The following CCDC192 variants were observed in gnomAD, a reference collection of about 807,000 sequenced individuals.
The protein encoded by CCDC192 is coiled-coil domain containing 192.
chr5:127,877,357 T>TGG (rs1561535729), intron 6 of CCDC192, among the ~76,000 whole-genome samples: 41 of 149,428 alleles, frequency 2.7e-4, no homozygotes, highest in Admixed American at 2.7e-4. Context: ...TTTTGTGGAT[T>TGG]TTTTTTTTAA....
chr5:127,726,324 T>C (rs1036214399), intron 2 of CCDC192, among the ~76,000 whole-genome samples: 3 of 152,184 alleles, frequency 2.0e-5, no homozygotes, highest in Non-Finnish European at 4.4e-5. Flanking sequence ...TAAATTGCAT[T>C]AATTAAACAA....
chr5:127,746,629 G>A (rs111925694), intron 2 of CCDC192, among the ~76,000 whole-genome samples: 3 of 141,996 alleles, frequency 2.1e-5, no homozygotes, highest in Non-Finnish European at 4.6e-5. Flanking sequence ...TTTTTTTTGA[G>A]AATTTTTGAA....
chr5:127,786,023 G>C, intron 3 of CCDC192: 1 of 609,122 alleles, frequency 1.6e-6, no homozygotes, highest in South Asian at 1.8e-5. Flanking sequence ...TTATGAATCT[G>C]TGTCTCCAGC....
chr5:127,882,181 G>C (rs1752382647), intron 6 of CCDC192, among the ~76,000 whole-genome samples: 1 of 152,226 alleles, frequency 6.6e-6, no homozygotes, highest in Non-Finnish European at 1.5e-5. Flanking sequence ...GGGGAAGCCT[G>C]TAATGGGATT....
intron 5 of CCDC192, chr5:127,857,571 A>G (rs1249065090): frequency 6.6e-6 from 1 of 152,226 alleles, no homozygotes; most frequent in African/African-American, 2.4e-5. Flanking sequence ...TATTTTATAT[A>G]TATGAGAGAG....
intron 5 of CCDC192, chr5:127,857,826 T>G (rs1751166021): frequency 2.0e-5 from 3 of 152,184 alleles, no homozygotes; most frequent in Non-Finnish European, 4.4e-5. Context: ...TTCAAAGAAT[T>G]GCATGGAGCC....
chr5:127,883,045 G>A (rs1752418368), intron 6 of CCDC192, among the ~76,000 whole-genome samples: 1 of 152,170 alleles, frequency 6.6e-6, no homozygotes, highest in Non-Finnish European at 1.5e-5. Context: ...GAGATGCTGG[G>A]ACTTCGTCAA....
At chr5:127,828,159 G>A (rs892903267) in intron 5 of CCDC192, among the ~76,000 whole-genome samples, 4 of 152,084 alleles carry the variant, frequency 2.6e-5, no homozygotes, top group African/African-American at 4.8e-5. Flanking sequence ...TGCCCACCTC[G>A]GCTTCCCAAA....
At chr5:127,832,033 G>A (rs1008014698) in intron 5 of CCDC192, among the ~76,000 whole-genome samples, 5 of 151,444 alleles carry the variant, frequency 3.3e-5, no homozygotes, top group Non-Finnish European at 7.4e-5. Flanking sequence ...ATGAACCCTG[G>A]CAAATCAATT....
Position 127,889,749 on chromosome 5 carries a change from G to A in CCDC192, c.535+14088G>A, listed in dbSNP as rs114606939. On this transcript the variant is annotated intron_variant, in intron 6 of 6. Transcript: ENST00000514853. ...TTGGCCTCCCTACCCCAGTTGGCAC[G>A]CTGGGCCAGCACCTGGCCCCTGTAT... is the stretch of plus-strand genomic sequence containing the variant. Among the ~76,000 whole-genome samples, 1,368 of 152,242 alleles carry A rather than the reference G, an allele frequency of 9.0e-3. 23 individuals carry two copies. Among genetic ancestry groups the A allele is most frequent in the African/African-American group, 0.03 (1,257 of 41,560 alleles).
chr5:127,737,567 G>A (rs930779360), intron 2 of CCDC192, among the ~76,000 whole-genome samples: 5 of 151,548 alleles, frequency 3.3e-5, no homozygotes, highest in Non-Finnish European at 7.4e-5. Flanking sequence ...GGGAGTCTAA[G>A]TCTCTTTGTA....
At chr5:127,713,684 A>T (rs891219682) in intron 2 of CCDC192, among the ~76,000 whole-genome samples, 4 of 152,192 alleles carry the variant, frequency 2.6e-5, no homozygotes, top group African/African-American at 9.6e-5. Context: ...TTATACTTTT[A>T]GGGATTTTTT....
intron 2 of CCDC192, among the ~76,000 whole-genome samples, chr5:127,715,086 A>G (rs1258956471): frequency 2.0e-5 from 3 of 151,968 alleles, no homozygotes. Context: ...TTTCTTCACT[A>G]TATTGATTAC....
intron 5 of CCDC192, among the ~76,000 whole-genome samples, chr5:127,850,841 C>T (rs1023381662): frequency 5.3e-5 from 8 of 152,164 alleles, no homozygotes; most frequent in African/African-American, 1.9e-4. Flanking sequence ...TGGCAGGCGC[C>T]GGTAATCCCA....
chr5:127,898,645 G>T (rs1752959875), intron 6 of CCDC192, among the ~76,000 whole-genome samples: 1 of 152,084 alleles, frequency 6.6e-6, no homozygotes, highest in Non-Finnish European at 1.5e-5. Context: ...CATGCAAGAA[G>T]GTTTTTTGAC....
At chr5:127,763,830 T>C (rs1188667902) in intron 3 of CCDC192, among the ~76,000 whole-genome samples, 1 of 152,184 alleles carries the variant, frequency 6.6e-6, no homozygotes, top group African/African-American at 2.4e-5. Flanking sequence ...ATTTCTCTGC[T>C]AACTTTCTCT....
chr5:127,807,654 C>A (rs867758288), intron 5 of CCDC192, among the ~76,000 whole-genome samples: 57 of 152,162 alleles, frequency 3.7e-4, no homozygotes, highest in African/African-American at 1.3e-3. Context: ...TCAAGAAAAT[C>A]ATTTCCAAAA....
intron 6 of CCDC192, among the ~76,000 whole-genome samples, chr5:127,938,496 G>GA (rs1237506122): frequency 6.6e-6 from 1 of 152,142 alleles, no homozygotes; most frequent in African/African-American, 2.4e-5. Context: ...CATCTGGAAG[G>GA]AAATGCTAGC....
At chr5:127,798,746 A>C (rs1185660633) in intron 5 of CCDC192, among the ~76,000 whole-genome samples, 1 of 150,194 alleles carries the variant, frequency 6.7e-6, no homozygotes, top group Non-Finnish European at 1.5e-5. Context: ...ACATATATTT[A>C]ATATATATTA....
Sources: allele counts gnomAD v4.1 joint callset (sites outside exome capture counted in the v4.1 genomes callset), GRCh38; gene constraint gnomAD v4.1.1; transcripts MANE v1.5; gene names NCBI Gene and HGNC (gene_info 2026-07-23, HGNC 2026-07-21).